RASSF3: variants seen among roughly 807,000 people sequenced by gnomAD.
RASSF3 encodes the protein Ras association domain family member 3, also known as ras association domain-containing protein 3.
Under a neutral mutation model 19.9 loss-of-function variants are expected in RASSF3, and 19 were observed. The observed-to-expected ratio is 0.96, with a 90% CI of 0.67 to 1.40. The LOEUF is 1.40. Among genes scored for constraint, RASSF3 ranks in the 40% most tolerant of loss-of-function variants. The pLI, the probability that RASSF3 is intolerant of heterozygous loss-of-function variation, is 0.00. For missense variants in RASSF3, 306 were observed against 289.8 expected (o/e 1.06, Z -0.41); for synonymous variants, 110 against 104.2 (o/e 1.06, Z -0.34).
intron 2 of RASSF3, among the ~76,000 whole-genome samples, chr12:64,600,160 AAAAC>A (rs922453938): frequency 2.0e-5 from 3 of 151,982 alleles, no homozygotes; most frequent in Non-Finnish European, 2.9e-5. Flanking sequence ...AGAAGTTAAA[AAAAC>A]AAACAAACAA....
intron 1 of RASSF3, among the ~76,000 whole-genome samples, chr12:64,621,812 A>G (rs1034774960): frequency 6.6e-6 from 1 of 152,164 alleles, no homozygotes; most frequent in Non-Finnish European, 1.5e-5. Context: ...TCAGGCTGAC[A>G]TCACTGAAAC....
chr12:64,642,397 T>A (rs12824246), intron 1 of RASSF3, among the ~76,000 whole-genome samples: 16,841 of 151,168 alleles, frequency 0.11, 1,105 homozygotes, highest in East Asian at 0.29. Context: ...CTGTCTCTAC[T>A]AAAAATACAA....
chr12:64,567,182 G>A (rs1185201519), intron 2 of RASSF3, among the ~76,000 whole-genome samples: 1 of 152,212 alleles, frequency 6.6e-6, no homozygotes, highest in Non-Finnish European at 1.5e-5. Context: ...TGCCCCGTGG[G>A]AGGCCCTGGG....
chr12:64,545,382 A>T (rs1221672320), downstream of RASSF3, among the ~76,000 whole-genome samples: 5 of 152,214 alleles, frequency 3.3e-5, no homozygotes, highest in Admixed American at 3.3e-4. Context: ...TCTTATATTG[A>T]TTTTGAAAAA....
In RASSF3 at chr12:64,659,879, C is replaced by T. The variant is rs60961957; in HGVS notation, c.112-24908C>T. 7.0e-3 allele frequency among the ~76,000 whole-genome samples: 1,068 copies of T among 151,820 alleles called. 15 individuals carry two copies. Among genetic ancestry groups the T allele is most frequent in the African/African-American group, 0.025 (1,028 of 41,410 alleles). Reference sequence around the variant, plus strand: ...AGGAGAATCACTCGAACCTGGGAAGCGGAGGTTGCAGTGAGCTGAGATGGC... The same window carrying T: ...AGGAGAATCACTCGAACCTGGGAAGTGGAGGTTGCAGTGAGCTGAGATGGC... On this transcript the variant is annotated intron_variant, in intron 1 of 4. Coordinates refer to ENST00000542104, the MANE Select transcript of RASSF3 (RefSeq NM_178169.4).
At chr12:64,621,464 G>A (rs1147098) in intron 1 of RASSF3, among the ~76,000 whole-genome samples, 75,669 of 151,892 alleles carry the variant, frequency 0.5, 19,033 homozygotes, top group Non-Finnish European at 0.52. Context: ...TGTACCAAAA[G>A]GATATTACAT....
At chr12:64,544,087 C>T (rs115008128), downstream of RASSF3, among the ~76,000 whole-genome samples, 977 of 152,180 alleles carry the variant, frequency 6.4e-3, 5 homozygotes, top group African/African-American at 0.012. Flanking sequence ...GGTGGGGGTC[C>T]CGTTCCGCAC....
At chr12:64,520,169 CTT>C (rs34152736) in intron 1 of RASSF3, among the ~76,000 whole-genome samples, 78 of 134,906 alleles carry the variant, frequency 5.8e-4, no homozygotes, top group Non-Finnish European at 6.6e-4. Context: ...TCATTTCTGA[CTT>C]TTTTTTTTTT....
At chr12:64,541,140 C>A (rs1378458788) in intron 1 of RASSF3, among the ~76,000 whole-genome samples, 1 of 151,884 alleles carries the variant, frequency 6.6e-6, no homozygotes, top group Non-Finnish European at 1.5e-5. Flanking sequence ...CACCCACCAC[C>A]ACATCTGGCT....
At chr12:64,578,992 T>C (rs918691010) in intron 2 of RASSF3, among the ~76,000 whole-genome samples, 1 of 152,028 alleles carries the variant, frequency 6.6e-6, no homozygotes, top group African/African-American at 2.4e-5. Context: ...CTGGGTGTGG[T>C]GGCGCATGCC....
Position 64,691,320 on chromosome 12 carries a change from T to G in RASSF3, c.458-150T>G, listed in dbSNP as rs996471564. ...TAGATTTTATTCCACTGTGGGCTAC[T>G]GGTATTAAATAATAAGATGAGCCGA... On this transcript the variant is annotated intron_variant, in intron 3 of 4. Coordinates refer to ENST00000542104, the MANE Select transcript of RASSF3 (RefSeq NM_178169.4). 4 of 626,402 alleles carry G rather than the reference T, an allele frequency of 6.4e-6. 1 individual carries two copies. In the Admixed American group the frequency reaches 7.8e-5, roughly 12 times the overall value. The allele number at this position is 626,402 out of a possible 1,614,324, so 38.8% of individuals were successfully genotyped here.
At chr12:64,645,758 AC>A (rs1469521469) in intron 1 of RASSF3, among the ~76,000 whole-genome samples, 1 of 152,198 alleles carries the variant, frequency 6.6e-6, no homozygotes, top group African/African-American at 2.4e-5. Context: ...TTGGGGTATC[AC>A]TTATATACAA....
At chr12:64,639,403 T>A (rs1469558567) in intron 1 of RASSF3, among the ~76,000 whole-genome samples, 1 of 152,152 alleles carries the variant, frequency 6.6e-6, no homozygotes, top group African/African-American at 2.4e-5. Context: ...GTAATTTGAC[T>A]TACAGTGAAT....
At chr12:64,561,116 AG>A (rs1869340436) in intron 2 of RASSF3, among the ~76,000 whole-genome samples, 1 of 152,186 alleles carries the variant, frequency 6.6e-6, no homozygotes, top group South Asian at 2.1e-4. Flanking sequence ...GTGGGTCCAG[AG>A]GTCTGCAGCT....
At chr12:64,549,891 C>T (rs889004157) in intron 2 of RASSF3, among the ~76,000 whole-genome samples, 1 of 152,210 alleles carries the variant, frequency 6.6e-6, no homozygotes, top group African/African-American at 2.4e-5. Flanking sequence ...AAGGTTTAGA[C>T]ACAATCATAT....
chr12:64,622,467 T>C, intron 1 of RASSF3: 1 of 531,202 alleles, frequency 1.9e-6, no homozygotes, highest in South Asian at 1.4e-5. Context: ...ACTTATAGGC[T>C]TACTGTCTTT....
upstream of RASSF3, among the ~76,000 whole-genome samples, chr12:64,610,322 G>A (rs1221876095): frequency 6.6e-6 from 1 of 150,688 alleles, no homozygotes; most frequent in Admixed American, 6.6e-5. Flanking sequence ...TGGAAGGGGC[G>A]GGCCGGGCTC....
chr12:64,508,845 G>A (rs534565219), intron 1 of RASSF3, among the ~76,000 whole-genome samples: 81 of 150,376 alleles, frequency 5.4e-4, no homozygotes, highest in Non-Finnish European at 8.7e-4. Context: ...GAGATTGTGC[G>A]ATTGCACTCC....
chr12:64,620,161 C>G (rs1870702911), intron 1 of RASSF3, among the ~76,000 whole-genome samples: 2 of 151,908 alleles, frequency 1.3e-5, no homozygotes, highest in South Asian at 4.1e-4. Context: ...ATAGGTTCGT[C>G]TGACTAGTCT....
Sources: allele counts gnomAD v4.1 joint callset (sites outside exome capture counted in the v4.1 genomes callset), GRCh38; gene constraint gnomAD v4.1.1; transcripts MANE v1.5; gene names NCBI Gene and HGNC (gene_info 2026-07-23, HGNC 2026-07-21).